Variants in PLCB4 observed in about 807,000 individuals in gnomAD.
The protein encoded by PLCB4 is 1-phosphatidylinositol 4,5-bisphosphate phosphodiesterase beta-4.
In PLCB4, 77 loss-of-function variants were observed where a neutral mutation model predicts 178.8. That is an observed-to-expected ratio of 0.43 (90% CI 0.36 to 0.52). The LOEUF (loss-of-function observed/expected upper bound fraction) is 0.52. Ranked by LOEUF, PLCB4 falls within the 20% of genes least tolerant of loss-of-function variation. The pLI is 0.00. For missense variants in PLCB4, 1,024 were observed against 1,453.4 expected (o/e 0.70, Z 4.80); for synonymous variants, 496 against 490.8 (o/e 1.01, Z -0.14).
At chr20:9,156,030 A>C (rs2092782062) in intron 2 of PLCB4, among the ~76,000 whole-genome samples, 1 of 152,178 alleles carries the variant, frequency 6.6e-6, no homozygotes, top group Non-Finnish European at 1.5e-5. Flanking sequence ...TTAGTCTGTT[A>C]AATTCTTCCA....
chr20:9,275,934 G>A (rs2094446779), intron 3 of PLCB4, among the ~76,000 whole-genome samples: 1 of 152,014 alleles, frequency 6.6e-6, no homozygotes, highest in Non-Finnish European at 1.5e-5. Context: ...AGGTGAATTT[G>A]GACCTAGCTG....
chr20:9,295,018 G>T (rs1265292056), intron 3 of PLCB4, among the ~76,000 whole-genome samples: 1 of 152,074 alleles, frequency 6.6e-6, no homozygotes, highest in Non-Finnish European at 1.5e-5. Context: ...CATTCTCATA[G>T]TCCCCACTCT....
At chr20:9,269,639 T>C (rs767334800) in intron 3 of PLCB4, among the ~76,000 whole-genome samples, 2 of 152,178 alleles carry the variant, frequency 1.3e-5, no homozygotes, top group Non-Finnish European at 2.9e-5. Flanking sequence ...ACAGGGAACA[T>C]TTTATAAATA....
intron 3 of PLCB4, among the ~76,000 whole-genome samples, chr20:9,294,232 T>C (rs552638823): frequency 1.3e-5 from 2 of 152,244 alleles, no homozygotes; most frequent in South Asian, 2.1e-4. Context: ...GGTAACTGCT[T>C]GAAGTTATTT....
At chr20:9,468,291 A>G (rs2043938089) in intron 35 of PLCB4, among the ~76,000 whole-genome samples, 1 of 151,490 alleles carries the variant, frequency 6.6e-6, no homozygotes, top group Non-Finnish European at 1.5e-5. Context: ...TAATAGAAAG[A>G]AAAAAAAAGA....
chr20:9,188,320 G>A (rs549376730), intron 2 of PLCB4, among the ~76,000 whole-genome samples: 6 of 152,348 alleles, frequency 3.9e-5, no homozygotes, highest in African/African-American at 1.4e-4. Context: ...ATTATAGGCG[G>A]ATGGAACAAT....
intron 2 of PLCB4, among the ~76,000 whole-genome samples, chr20:9,140,555 G>A (rs183970274): frequency 1.1e-4 from 16 of 151,932 alleles, no homozygotes; most frequent in Non-Finnish European, 2.1e-4. Context: ...GGGCCTGGTG[G>A]GAGGTATTTG....
Position 9,423,711 on chromosome 20 carries a change from A to T in PLCB4, c.2320-37A>T, listed in dbSNP as rs758898412. 1.9e-6 allele frequency: 3 copies of T among 1,545,986 alleles called. No individual in the cohort carries two copies. The African/African-American group carries it at 4.1e-5, about 21-fold the overall frequency. Reference sequence around the variant, plus strand: ...TAGAGTCATGGTTCTTGGGCGCTGCATTGGAAAAATCAGTGAAAGTCCTGT... The same window carrying T: ...TAGAGTCATGGTTCTTGGGCGCTGCTTTGGAAAAATCAGTGAAAGTCCTGT... On this transcript the variant is annotated intron_variant, in intron 27 of 39. Coordinates refer to ENST00000378473, the MANE Select transcript of PLCB4 (RefSeq NM_001377142.1).
At chr20:9,391,643 A>G (rs2038155164) in intron 17 of PLCB4, among the ~76,000 whole-genome samples, 1 of 152,140 alleles carries the variant, frequency 6.6e-6, no homozygotes, top group Admixed American at 6.5e-5. Flanking sequence ...GCTGCAGGTG[A>G]CCTGCCCATA....
intron 2 of PLCB4, among the ~76,000 whole-genome samples, chr20:9,152,098 C>T (rs1050949908): frequency 2.0e-5 from 3 of 152,056 alleles, no homozygotes; most frequent in African/African-American, 4.8e-5. Flanking sequence ...GCTCAGCATT[C>T]AAGAGGTGAC....
intron 1 of PLCB4, among the ~76,000 whole-genome samples, chr20:9,094,567 A>C (rs1600357218): frequency 6.6e-6 from 1 of 152,340 alleles, no homozygotes; most frequent in African/African-American, 2.4e-5. Context: ...ATAAAAGTAC[A>C]GTGAATATCA....
intron 3 of PLCB4, among the ~76,000 whole-genome samples, chr20:9,233,804 G>A (rs1284261825): frequency 6.6e-6 from 1 of 152,080 alleles, no homozygotes; most frequent in Non-Finnish European, 1.5e-5. Flanking sequence ...TTAGACCTTC[G>A]TAGGAAGGAG....
chr20:9,299,308 T>G (rs2094677452), intron 3 of PLCB4, among the ~76,000 whole-genome samples: 1 of 152,098 alleles, frequency 6.6e-6, no homozygotes, highest in Non-Finnish European at 1.5e-5. Context: ...AAAATATTTT[T>G]TCTGGAATAT....
intron 1 of PLCB4, among the ~76,000 whole-genome samples, chr20:9,079,169 T>C (rs2090024042): frequency 6.6e-6 from 1 of 152,240 alleles, no homozygotes; most frequent in African/African-American, 2.4e-5. Flanking sequence ...TGATAATGTC[T>C]GTGAAAGCAC....
intron 13 of PLCB4, 55 bp downstream of exon 13, chr20:9,380,217 T>A: frequency 2.3e-6 from 2 of 882,476 alleles, no homozygotes; most frequent in Non-Finnish European, 3.6e-6. Context: ...ATGCAACTTT[T>A]AAAGCCTTGG....
chr20:9,091,342 G>C (rs2090671823), intron 1 of PLCB4, among the ~76,000 whole-genome samples: 1 of 152,122 alleles, frequency 6.6e-6, no homozygotes. Flanking sequence ...TGGGCATGTA[G>C]TAATTGTGCT....
In PLCB4 at chr20:9,370,412, G is replaced by C. The variant is rs560235271; in HGVS notation, c.504-802G>C. Among the ~76,000 whole-genome samples the C allele has an allele frequency of 8.9e-4, 136 of 152,244 alleles. 1 individual carries two copies. Among genetic ancestry groups the C allele is most frequent in the South Asian group, 1.9e-3 (9 of 4,814 alleles). On this transcript the variant is annotated intron_variant, in intron 9 of 39. Coordinates refer to ENST00000378473, the MANE Select transcript of PLCB4 (RefSeq NM_001377142.1). ...ACAAAATATGTCTGATCACGCCCGT[G>C]TCAACTGTGGTTAAGTGTGGGAACC...
At chr20:9,102,177 T>C (rs2091183024) in intron 2 of PLCB4, among the ~76,000 whole-genome samples, 1 of 152,160 alleles carries the variant, frequency 6.6e-6, no homozygotes, top group Non-Finnish European at 1.5e-5. Flanking sequence ...TTTTTAATCC[T>C]CTTGGATCAC....
Position 9,376,629 on chromosome 20 carries a change from G to C in PLCB4, c.745-3425G>C, listed in dbSNP as rs111254106. Among the ~76,000 whole-genome samples the C allele has an allele frequency of 3.3e-3, 503 of 152,266 alleles. 4 individuals are homozygous for C. Among genetic ancestry groups the C allele is most frequent in the African/African-American group, 0.011 (461 of 41,554 alleles). On this transcript the variant is annotated intron_variant, in intron 12 of 39. Transcript: ENST00000378473. Reference sequence around the variant, plus strand: ...CAATTGCTTGTATGTGGCAAGACTAGATAAAACCTCTTGGCTTTGGTTAGT... The same window carrying C: ...CAATTGCTTGTATGTGGCAAGACTACATAAAACCTCTTGGCTTTGGTTAGT...
Sources: allele counts gnomAD v4.1 joint callset (sites outside exome capture counted in the v4.1 genomes callset), GRCh38; gene constraint gnomAD v4.1.1; transcripts MANE v1.5; gene names NCBI Gene and HGNC (gene_info 2026-07-23, HGNC 2026-07-21).